Variants in GNAQ observed in about 807,000 individuals in gnomAD.
GNAQ encodes the protein G protein subunit alpha q.
Under a neutral mutation model 43.9 loss-of-function variants are expected in GNAQ, and 8 were observed. That is an observed-to-expected ratio of 0.18 (90% CI 0.11 to 0.33). The LOEUF is 0.33. GNAQ is among the 10% of genes least tolerant of loss of function. The pLI is 1.00. For missense variants in GNAQ, 158 were observed against 450.8 expected, an observed-to-expected ratio of 0.35 and a Z score of 5.88; for synonymous variants, 155 against 170.7, an observed-to-expected ratio of 0.91 and a Z score of 0.71.
intron 2 of GNAQ, among the ~76,000 whole-genome samples, chr9:77,845,212 G>T (rs1029259505): frequency 1.3e-5 from 2 of 151,984 alleles, no homozygotes; most frequent in African/African-American, 4.8e-5. Context: ...ATCTAAAATG[G>T]TATTACATTT....
chr9:77,717,462 C>G lies in GNAQ; in HGVS notation c.*3861G>C. On this transcript the variant is annotated 3_prime_UTR_variant, in exon 7 of 7. Transcript: ENST00000286548. ...AGGTGATTTGAGGGAAATTTCCAACCAATATGTGAGTCTTGCAGTATTTCA... is the reference window on the plus strand; with the variant it reads ...AGGTGATTTGAGGGAAATTTCCAACGAATATGTGAGTCTTGCAGTATTTCA... 4.3e-6 allele frequency: 1 copy of G among 232,358 alleles called. No individual in the cohort carries two copies. The highest frequency in any genetic ancestry group is 8.5e-6 in the Non-Finnish European group (1 of 117,604). The allele number at this position is 232,358 out of a possible 1,614,324, so 14.4% of individuals were successfully genotyped here.
Position 77,851,468 on chromosome 9 carries a change from G to A in GNAQ, c.322-35698C>T, listed in dbSNP as rs949122757. ...GGCTCCTGAGAAAGTAGAGCTGGAC[G>A]TATGCTCTGATGTCATTCTTGTCTT... On this transcript the variant is annotated intron_variant, in intron 2 of 6. Coordinates refer to ENST00000286548, the MANE Select transcript of GNAQ (RefSeq NM_002072.5). Among the ~76,000 whole-genome samples the A allele has an allele frequency of 2.7e-4, 41 of 152,198 alleles. 2 individuals carry two copies. Among genetic ancestry groups the A allele is most frequent in the African/African-American group, 9.7e-5 (4 of 41,450 alleles).
chr9:77,721,289 A>G lies in GNAQ; in HGVS notation c.*34T>C. 1 of 1,386,826 alleles carries G rather than the reference A, an allele frequency of 7.2e-7. No individual in the cohort carries two copies. The highest frequency in any genetic ancestry group is 1.0e-6 in the Non-Finnish European group (1 of 995,856). The allele number at this position is 1,386,826 out of a possible 1,614,324, so 85.9% of individuals were successfully genotyped here. ...TCTTGTGTATCTTCAATAGCCCACC[A>G]GGGAAGGGCAGGGCGGGTGTCTAGG... On this transcript the variant is annotated 3_prime_UTR_variant, in exon 7 of 7. Coordinates refer to ENST00000286548, the MANE Select transcript of GNAQ (RefSeq NM_002072.5).
rs573690723 is a variant in GNAQ, at chr9:77,799,175, G to A, written c.477-1527C>T. ...TTTGTCCTGGAAAGGATGGGGCACA[G>A]ACATGGCTTCAAAACACACAACTAC... On this transcript the variant is annotated intron_variant, in intron 3 of 6. Transcript: ENST00000286548. Among the ~76,000 whole-genome samples the A allele has an allele frequency of 2.6e-5, 4 of 152,316 alleles. No homozygotes were observed. In the East Asian group the frequency reaches 5.8e-4, roughly 22 times the overall value.
Position 78,031,129 on chromosome 9 carries a change from G to C in GNAQ, c.107C>G (p.Ala36Gly). The C allele has an allele frequency of 6.5e-7, 1 of 1,534,048 alleles. No homozygotes were observed. Among genetic ancestry groups the C allele is most frequent in the Non-Finnish European group, 8.8e-7 (1 of 1,141,170 alleles). ...CAGCAGCAGCTTGAGCTCCCGGCGG[G>C]CGTCCCGCTTGTCCCTGCGGAGCTG... ...ERQLRRDKRD[A>G]RRELKLLLLG... The change falls in exon 1 of 7, where the codon GCC becomes GGC. Residue 36 changes from alanine (A) to glycine (G), a missense_variant. Physicochemically the swap from Ala to Gly is moderately conservative, Grantham distance 60. Around this residue, in one of 9 missense-constraint regions of GNAQ, gnomAD observed 10 missense variants for 28.8 expected, o/e 0.35. Transcript: ENST00000286548.
intron 3 of GNAQ, 49 bp downstream of exon 3, chr9:77,815,567 C>T: frequency 3.3e-6 from 4 of 1,221,214 alleles, no homozygotes; most frequent in Non-Finnish European, 4.7e-6. Context: ...AAAACCTCCA[C>T]ATGGAAGTAA....
intron 2 of GNAQ, among the ~76,000 whole-genome samples, chr9:77,912,486 A>C (rs1275697210): frequency 6.6e-6 from 1 of 152,228 alleles, no homozygotes; most frequent in African/African-American, 2.4e-5. Flanking sequence ...CATGACCTTA[A>C]GTAGGCAAAG....
At chr9:77,906,709 T>A (rs532547302) in intron 2 of GNAQ, among the ~76,000 whole-genome samples, 27 of 152,366 alleles carry the variant, frequency 1.8e-4, no homozygotes, top group Middle Eastern at 3.4e-3. Context: ...CTATTTACAA[T>A]CTTCATTTGT....
At chr9:77,945,106 C>T (rs2118355629) in intron 1 of GNAQ, among the ~76,000 whole-genome samples, 1 of 152,178 alleles carries the variant, frequency 6.6e-6, no homozygotes, top group South Asian at 2.1e-4. Flanking sequence ...TCAGGCACAC[C>T]CATACTCAAA....
intron 2 of GNAQ, among the ~76,000 whole-genome samples, chr9:77,874,227 C>G (rs1046229056): frequency 4.6e-5 from 7 of 152,152 alleles, no homozygotes; most frequent in Admixed American, 4.6e-4. Flanking sequence ...AGGTACTTCA[C>G]ACAGCTTATT....
intron 2 of GNAQ, among the ~76,000 whole-genome samples, chr9:77,836,126 T>C (rs575294357): frequency 6.6e-5 from 10 of 152,094 alleles, no homozygotes; most frequent in Admixed American, 3.3e-4. Context: ...ACTGAAGACA[T>C]GGACTGGATG....
chr9:77,820,591 C>T (rs773740508), intron 2 of GNAQ, among the ~76,000 whole-genome samples: 1 of 152,168 alleles, frequency 6.6e-6, no homozygotes, highest in Admixed American at 6.5e-5. Context: ...CTCATGAAAA[C>T]GAAAGATCTT....
chr9:77,873,293 T>C (rs1459762687), intron 2 of GNAQ, among the ~76,000 whole-genome samples: 2 of 152,210 alleles, frequency 1.3e-5, no homozygotes, highest in East Asian at 3.8e-4. Flanking sequence ...CGAACCTCAT[T>C]ACATTATTAC....
chr9:77,951,878 G>C (rs1250688536), intron 1 of GNAQ, among the ~76,000 whole-genome samples: 1 of 152,158 alleles, frequency 6.6e-6, no homozygotes, highest in Non-Finnish European at 1.5e-5. Flanking sequence ...CTGTCCCTAG[G>C]ATCAGTGCAT....
At chr9:77,858,390 T>C (rs1220500673) in intron 2 of GNAQ, among the ~76,000 whole-genome samples, 1 of 152,132 alleles carries the variant, frequency 6.6e-6, no homozygotes, top group Non-Finnish European at 1.5e-5. Flanking sequence ...GGTTTTCTGT[T>C]GCCCCAATCA....
chr9:77,801,169 G>C (rs76207931), intron 3 of GNAQ, among the ~76,000 whole-genome samples: 2 of 152,184 alleles, frequency 1.3e-5, no homozygotes, highest in Admixed American at 6.5e-5. Context: ...ACCAGCACAT[G>C]AAGTGGGAAA....
At position 77,802,199 on chromosome 9, in the gene GNAQ, A is replaced by C. The variant is rs180671586; in HGVS notation, c.477-4551T>G. Among the ~76,000 whole-genome samples, 51 of 151,810 alleles carry C rather than the reference A, an allele frequency of 3.4e-4. No homozygotes were observed. The East Asian group carries it at 8.8e-3, about 26-fold the overall frequency. ...CAAAAACAAAACAAAAAACAAAAAA[A>C]CCCTGCATTTTTCATTGCCAAGAAG... On this transcript the variant is annotated intron_variant, in intron 3 of 6. Transcript: ENST00000286548.
At chr9:77,792,297 T>C (rs1826587528) in intron 5 of GNAQ, among the ~76,000 whole-genome samples, 1 of 152,122 alleles carries the variant, frequency 6.6e-6, no homozygotes, top group African/African-American at 2.4e-5. Flanking sequence ...ATAGCTTTAT[T>C]ATTTTAATTT....
intron 2 of GNAQ, among the ~76,000 whole-genome samples, chr9:77,829,727 GAA>G (rs753453113): frequency 3.9e-5 from 6 of 152,124 alleles, no homozygotes; most frequent in Non-Finnish European, 7.4e-5. Flanking sequence ...GAGCTTATAA[GAA>G]ATGCAGACCT....
Sources: allele counts gnomAD v4.1 joint callset (sites outside exome capture counted in the v4.1 genomes callset), GRCh38; gene constraint gnomAD v4.1.1; regional missense constraint gnomAD v4.1.1; transcripts MANE v1.5; gene names NCBI Gene and HGNC (gene_info 2026-07-23, HGNC 2026-07-21).